The following GPALPP1 variants were observed in gnomAD, a reference collection of about 807,000 sequenced individuals.
GPALPP1 encodes GPALPP motifs-containing protein 1.
A neutral mutation model predicts 38.9 loss-of-function variants in GPALPP1; 30 were observed. That is an observed-to-expected ratio of 0.77 (90% CI 0.58 to 1.05). GPALPP1 has a LOEUF of 1.05. Ranked by LOEUF, GPALPP1 falls within the 50% of genes least tolerant of loss-of-function variation. The probability of loss-of-function intolerance (pLI) is 0.00; values close to 1 mark genes in which losing one functional copy is unlikely to be tolerated. For missense variants in GPALPP1, 384 were observed against 408.8 expected, an observed-to-expected ratio of 0.94 and a Z score of 0.52; for synonymous variants, 120 against 139.2, an observed-to-expected ratio of 0.86 and a Z score of 0.97.
At chr13:45,033,099 G>A (rs187254023), downstream of GPALPP1, 1 of 151,220 alleles carries the variant, frequency 6.6e-6, no homozygotes, top group Admixed American at 6.6e-5. Flanking sequence ...CTTCAGAATA[G>A]ATCAATGGTT....
At chr13:45,031,768 G>A (rs1339841622), downstream of GPALPP1, 1 of 152,090 alleles carries the variant, frequency 6.6e-6, no homozygotes, top group Non-Finnish European at 1.5e-5. Context: ...AGGACGGAAA[G>A]GTGTCTTTAT....
At chr13:45,000,982 A>G (rs542672189) in intron 1 of GPALPP1, among the ~76,000 whole-genome samples, 1 of 152,342 alleles carries the variant, frequency 6.6e-6, no homozygotes, top group African/African-American at 2.4e-5. Context: ...CAATGATTCC[A>G]AAACTAGCCT....
chr13:45,015,661 A>T, intron 6 of GPALPP1, 65 bp downstream of exon 6: 1 of 1,114,386 alleles, frequency 9.0e-7, no homozygotes, highest in Non-Finnish European at 1.2e-6. Context: ...GAAAAGATAT[A>T]ATGCAAAATT....
At chr13:45,008,933 A>G in intron 4 of GPALPP1, 54 bp downstream of exon 4, 1 of 1,039,114 alleles carries the variant, frequency 9.6e-7, no homozygotes, top group Non-Finnish European at 1.5e-6. Flanking sequence ...TTGAAAGAAT[A>G]AGATGTATTG....
chr13:45,031,182 G>A (rs1876180585), downstream of GPALPP1: 1 of 152,010 alleles, frequency 6.6e-6, no homozygotes, highest in Admixed American at 6.5e-5. Context: ...ATAAATAGAT[G>A]AATTTTTCTC....
intron 1 of GPALPP1, among the ~76,000 whole-genome samples, chr13:45,002,718 T>C (rs1183399871): frequency 6.6e-6 from 1 of 152,210 alleles, no homozygotes; most frequent in African/African-American, 2.4e-5. Flanking sequence ...GCACAGAGTC[T>C]GCCTCCAAAG....
At chr13:45,012,652 T>G (rs1042743329) in intron 4 of GPALPP1, among the ~76,000 whole-genome samples, 1 of 152,210 alleles carries the variant, frequency 6.6e-6, no homozygotes, top group Non-Finnish European at 1.5e-5. Context: ...TTCCCTGGCT[T>G]CTTTTGGTAG....
In GPALPP1 at chr13:45,018,258, G is replaced by A. The variant is rs371665839; in HGVS notation, c.706-2072G>A. Among the ~76,000 whole-genome samples, 184 of 152,184 alleles carry A rather than the reference G, an allele frequency of 1.2e-3. 5 individuals carry two copies. The East Asian group carries it at 0.023, about 19-fold the overall frequency. On this transcript the variant is annotated intron_variant, in intron 6 of 7. Coordinates refer to ENST00000379151, the MANE Select transcript of GPALPP1 (RefSeq NM_018559.5). Reference sequence around the variant, plus strand: ...TAAAAATACAAAAAATTAGCCAGGCGTGGTGGCGGGCGCCTGTAGTCGCAG... The same window carrying A: ...TAAAAATACAAAAAATTAGCCAGGCATGGTGGCGGGCGCCTGTAGTCGCAG...
intron 1 of GPALPP1, among the ~76,000 whole-genome samples, chr13:44,993,536 C>G (rs1200795668): frequency 1.3e-5 from 2 of 152,126 alleles, no homozygotes; most frequent in Admixed American, 1.3e-4. Flanking sequence ...GATGCCAACT[C>G]TGATTCAGGT....
At chr13:44,993,467 T>C in intron 1 of GPALPP1, among the ~76,000 whole-genome samples, 1 of 152,144 alleles carries the variant, frequency 6.6e-6, no homozygotes, top group East Asian at 1.9e-4. Flanking sequence ...TGAAACCTCG[T>C]CTTTACTAAA....
chr13:45,009,467 C>G (rs1180104432), intron 4 of GPALPP1, among the ~76,000 whole-genome samples: 2 of 152,068 alleles, frequency 1.3e-5, no homozygotes, highest in Non-Finnish European at 2.9e-5. Context: ...TCCACGGTTT[C>G]ATGAAATAGA....
chr13:45,033,468 C>T (rs1876300504), downstream of GPALPP1: 1 of 152,184 alleles, frequency 6.6e-6, no homozygotes, highest in Admixed American at 6.5e-5. Context: ...TTGCTTGTGA[C>T]TGCAGTATGT....
chr13:45,000,797 C>G (rs1873618540), intron 1 of GPALPP1, among the ~76,000 whole-genome samples: 1 of 152,196 alleles, frequency 6.6e-6, no homozygotes, highest in Non-Finnish European at 1.5e-5. Context: ...GACATTAAGT[C>G]TTCTTTAGTA....
At chr13:44,997,229 T>C (rs1404090412) in intron 1 of GPALPP1, among the ~76,000 whole-genome samples, 1 of 152,066 alleles carries the variant, frequency 6.6e-6, no homozygotes, top group African/African-American at 2.4e-5. Context: ...TTCCTCACAC[T>C]CTGCTGTCCC....
rs761824589 is a variant in GPALPP1 at position 45,015,016 on chromosome 13, A to G, written c.473A>G (p.Tyr158Cys). The G allele has an allele frequency of 2.5e-6, 4 of 1,606,688 alleles. No homozygotes were observed. Among genetic ancestry groups the G allele is most frequent in the South Asian group, 2.2e-5 (2 of 90,736 alleles). ...GPMPAKGPVN[Y>C]NVTTEFEKRA... ...ATGCCTGCAAAAGGACCAGTTAACTATAATGTAACGACAGAGTTTGAAAAA... is the reference window on the plus strand; with the variant it reads ...ATGCCTGCAAAAGGACCAGTTAACTGTAATGTAACGACAGAGTTTGAAAAA... Residue 158 changes from tyrosine (Y) to cysteine (C), a missense_variant, in exon 5 of 8, where the codon TAT (tyrosine) becomes TGT (cysteine). Tyr to Cys is a radical substitution (Grantham distance 194). Transcript: ENST00000379151.
chr13:44,996,784 CTTTTTTT>C (rs770919969), intron 1 of GPALPP1, among the ~76,000 whole-genome samples: 4 of 80,400 alleles, frequency 5.0e-5, no homozygotes, highest in African/African-American at 1.8e-4. Flanking sequence ...TGCCCAGCCT[CTTTTTTT>C]TTTTTTTTTT....
chr13:45,022,949 G>A (rs1875530165), intron 7 of GPALPP1, among the ~76,000 whole-genome samples: 1 of 152,200 alleles, frequency 6.6e-6, no homozygotes, highest in Non-Finnish European at 1.5e-5. Flanking sequence ...GCTGAGGTTG[G>A]AGGATCACTT....
chr13:45,007,868 G>A (rs1050507021), intron 3 of GPALPP1, among the ~76,000 whole-genome samples: 8 of 152,140 alleles, frequency 5.3e-5, no homozygotes, highest in Non-Finnish European at 1.2e-4. Flanking sequence ...GTGAAAGAGA[G>A]CATTTTTTTA....
At chr13:45,017,418 C>T (rs1220185605) in intron 6 of GPALPP1, among the ~76,000 whole-genome samples, 4 of 152,094 alleles carry the variant, frequency 2.6e-5, no homozygotes, top group African/African-American at 9.7e-5. Context: ...GGATGTGGAT[C>T]CAAGAGAGCC....
Sources: gnomAD v4.1 joint callset for allele counts (sites outside exome capture counted in the v4.1 genomes callset) on GRCh38, gnomAD v4.1.1 for gene constraint, MANE v1.5 for transcripts, NCBI Gene and HGNC (gene_info 2026-07-23, HGNC 2026-07-21) for gene names.